FASTKD2: variants seen among roughly 807,000 people sequenced by gnomAD.
The protein encoded by FASTKD2 is FAST kinase domain-containing protein 2, mitochondrial.
Under a neutral mutation model 63.6 loss-of-function variants are expected in FASTKD2, and 51 were observed. The ratio of observed to expected loss-of-function variants is 0.80; its 90% confidence interval spans 0.64 to 1.01. The LOEUF (loss-of-function observed/expected upper bound fraction) is 1.01. FASTKD2 is among the 50% of genes least tolerant of loss of function. FASTKD2 has a pLI of 0.00. For missense variants in FASTKD2, 786 were observed against 831.1 expected (o/e 0.95, Z 0.67); for synonymous variants, 284 against 293.4 (o/e 0.97, Z 0.33).
At chr2:206,788,219 A>C in intron 9 of FASTKD2, 64 bp downstream of exon 9, 2 of 1,160,840 alleles carry the variant, frequency 1.7e-6, no homozygotes, top group African/African-American at 1.5e-5. Flanking sequence ...TTCTGACCAA[A>C]AAAATAGGTA....
intron 3 of FASTKD2, 80 bp from the exon 4 acceptor site, chr2:206,771,102 G>T: frequency 6.0e-6 from 5 of 833,652 alleles, no homozygotes; most frequent in Non-Finnish European, 1.0e-5. Flanking sequence ...GTAAGAAGGG[G>T]CTGGACCAAA....
At position 206,791,710 on chromosome 2, in the gene FASTKD2, G is replaced by A. The variant is rs1690290911; in HGVS notation, c.2041G>A (p.Glu681Lys). ...CAATAACTGGGAGATGGACAAACTA[G>A]AGATGGAAGATGCAGTCACATTTTT... ...LVNNWEMDKL[E>K]MEDAVTFLKT... Residue 681 changes from glutamate to lysine, a missense_variant, in exon 12 of 12, where the codon GAG becomes AAG. Transcript: ENST00000402774. 1 of 1,612,458 alleles carries A rather than the reference G, an allele frequency of 6.2e-7. No individual in the cohort carries two copies. The highest frequency in any genetic ancestry group is 8.5e-7 in the Non-Finnish European group (1 of 1,178,716).
chr2:206,790,416 C>T (rs1690252205), intron 10 of FASTKD2, 156 bp from the exon 11 acceptor site: 14 of 651,300 alleles, frequency 2.1e-5, no homozygotes, highest in South Asian at 2.1e-4. Flanking sequence ...GGAATATCTG[C>T]AGAGGCCAAG....
intron 7 of FASTKD2, among the ~76,000 whole-genome samples, chr2:206,785,726 T>G (rs192953543): frequency 3.7e-4 from 56 of 152,302 alleles, no homozygotes; most frequent in African/African-American, 1.3e-3. Context: ...ATCTGTTATA[T>G]TCCTCCCATT....
chr2:206,775,498 TG>T (rs992680607), intron 7 of FASTKD2, among the ~76,000 whole-genome samples: 32 of 151,922 alleles, frequency 2.1e-4, no homozygotes, highest in African/African-American at 7.7e-4. Flanking sequence ...TTGTTGAATT[TG>T]GTTTGCTAGT....
chr2:206,768,672 C>T (rs992374809), intron 2 of FASTKD2, among the ~76,000 whole-genome samples: 10 of 152,250 alleles, frequency 6.6e-5, no homozygotes, highest in African/African-American at 1.9e-4. Context: ...TGCACTCCAG[C>T]CTGGGTGACA....
chr2:206,769,862 A>G (rs1689617396), intron 2 of FASTKD2, among the ~76,000 whole-genome samples: 1 of 152,260 alleles, frequency 6.6e-6, no homozygotes, highest in Admixed American at 6.5e-5. Flanking sequence ...ATAATGGTGA[A>G]GGTAAAAAAG....
In FASTKD2 at chr2:206,792,810, T is replaced by C. The variant is rs1690324116; in HGVS notation, c.*1008T>C. Among the ~76,000 whole-genome samples, 1 of 152,218 alleles carries C rather than the reference T, an allele frequency of 6.6e-6. No individual in the cohort carries two copies. Among genetic ancestry groups the C allele is most frequent in the Admixed American group, 6.5e-5 (1 of 15,288 alleles). ...GAACCCTTTGAGGTGTAGCTGCTAT[T>C]ATGATTCTCTCTGTGTCTTCACTTC... On this transcript the variant is annotated 3_prime_UTR_variant, in exon 12 of 12. Transcript: ENST00000402774.
chr2:206,789,984 T>C (rs2105988806), intron 10 of FASTKD2: 1 of 153,288 alleles, frequency 6.5e-6, no homozygotes, highest in South Asian at 2.0e-4. Flanking sequence ...TCTTTTTTTT[T>C]TCTTTTTTTC....
At position 206,767,438 on chromosome 2, in the gene FASTKD2, A is replaced by G; in HGVS notation, c.745A>G (p.Ile249Val). 1.9e-6 allele frequency: 3 copies of G among 1,612,442 alleles called. No individual in the cohort carries two copies. The highest frequency in any genetic ancestry group is 1.1e-5 in the South Asian group (1 of 91,076). ...IVKLGIPQNT[I>V]LVQTLLRVTQ... ...GAAGCTTGGAATCCCTCAGAACACT[A>G]TTTTGGTGCAGACTTTGCTGAGGGT... The change falls in exon 2 of 12, where the codon ATT becomes GTT. Residue 249 changes from isoleucine (I) to valine (V), a missense_variant. Physicochemically the swap from Ile to Val is conservative, Grantham distance 29. Coordinates refer to ENST00000402774, the MANE Select transcript of FASTKD2 (RefSeq NM_001136193.2).
chr2:206,791,609 T>C (rs2105989907), intron 11 of FASTKD2, 74 bp from the exon 12 acceptor site: 2 of 1,389,766 alleles, frequency 1.4e-6, no homozygotes, highest in East Asian at 2.3e-5. Flanking sequence ...TACTTTACTA[T>C]GTTTGGATCT....
chr2:206,768,599 C>G (rs1465040360), intron 2 of FASTKD2, among the ~76,000 whole-genome samples: 3 of 152,076 alleles, frequency 2.0e-5, no homozygotes, highest in Non-Finnish European at 4.4e-5. Context: ...ACTTGGGAGG[C>G]TGAGGTGGGA....
chr2:206,788,766 G>T, intron 9 of FASTKD2, 53 bp from the exon 10 acceptor site: 115 of 762,186 alleles, frequency 1.5e-4, no homozygotes, highest in Non-Finnish European at 2.3e-4. Context: ...AAAAGAAAAA[G>T]AAAGTCACTT....
chr2:206,791,673 C>G lies in FASTKD2; in HGVS notation c.2014-10C>G. The G allele has an allele frequency of 6.2e-7, 1 of 1,612,102 alleles. No homozygotes were observed. The highest frequency in any genetic ancestry group is 8.5e-7 in the Non-Finnish European group (1 of 1,178,520). On this transcript the variant is annotated splice_polypyrimidine_tract_variant and intron_variant, in intron 11 of 11. Coordinates refer to ENST00000402774, the MANE Select transcript of FASTKD2 (RefSeq NM_001136193.2). ...TCACAAACTGATTATTTTCCTCTTTCTTTGGTAAGGTCAATAACTGGGAGA... is the reference window on the plus strand; with the variant it reads ...TCACAAACTGATTATTTTCCTCTTTGTTTGGTAAGGTCAATAACTGGGAGA...
intron 7 of FASTKD2, 32 bp from the exon 8 acceptor site, chr2:206,786,701 T>C (rs747587462): frequency 1.9e-6 from 3 of 1,603,708 alleles, no homozygotes; most frequent in Non-Finnish European, 2.6e-6. Context: ...CTTCTGTATA[T>C]GTTGGGAAAC....
chr2:206,772,002 A>T lies in FASTKD2; in HGVS notation c.1099A>T (p.Ser367Cys). ...HRSLILLDEC[S>C]KVVLDNIHGC... ...ATCTCTTATACTCCTGGATGAATGC[A>T]GTAAGGTGGTCCTAGGTAAGAGGAA... The change falls in exon 5 of 12, where the codon AGT becomes TGT. Residue 367 changes from serine (S) to cysteine (C), a missense_variant. Ser to Cys is a moderately radical substitution (Grantham distance 112). Transcript: ENST00000402774. The T allele has an allele frequency of 6.2e-7, 1 of 1,613,820 alleles. No individual in the cohort carries two copies. The highest frequency in any genetic ancestry group is 8.5e-7 in the Non-Finnish European group (1 of 1,179,716).
chr2:206,776,087 G>T (rs1689817082), intron 7 of FASTKD2, among the ~76,000 whole-genome samples: 1 of 150,824 alleles, frequency 6.6e-6, no homozygotes, highest in South Asian at 2.1e-4. Flanking sequence ...TATTATTTTT[G>T]CTATTCAGTT....
In FASTKD2 at chr2:206,765,650, C is replaced by CT. The variant is rs1456343421; in HGVS notation, c.-147dup. On this transcript the variant is annotated 5_prime_UTR_variant, in exon 1 of 12. An upstream open reading frame in the 5' UTR loses its in-frame stop. Coordinates refer to ENST00000402774, the MANE Select transcript of FASTKD2 (RefSeq NM_001136193.2). ...CTGTACGTAGTCACGGTCTTGTGCT[C>CT]TAAGGTGAGTGGAGGACGAGCTTGG... 2.8e-5 allele frequency: 15 copies of CT among 541,034 alleles called. No individual in the cohort carries two copies. The highest frequency in any genetic ancestry group is 3.1e-5 in the Non-Finnish European group (13 of 415,952). 33.5% of individuals were successfully genotyped at this position (541,034 alleles called of 1,614,324 possible).
In FASTKD2 at chr2:206,767,200, G is replaced by A; in HGVS notation, c.507G>A (p.Val169=). The change falls in exon 2 of 12, where the codon GTG becomes GTA. Residue 169 remains valine, a synonymous_variant. Transcript: ENST00000402774. The part of the protein sequence containing the change: ...LSEECNSLSD[V]LDAFSKAPTF... ...AGGAATGTAATTCCCTGAGTGATGT[G>A]TTAGATGCATTTTCAAAAGCGCCCA... 1 of 1,614,202 alleles carries A rather than the reference G, an allele frequency of 6.2e-7. No individual in the cohort carries two copies. The highest frequency in any genetic ancestry group is 2.2e-5 in the East Asian group (1 of 44,878).
Sources: allele counts gnomAD v4.1 joint callset (sites outside exome capture counted in the v4.1 genomes callset), GRCh38; gene constraint gnomAD v4.1.1; transcripts MANE v1.5; gene names NCBI Gene and HGNC (gene_info 2026-07-23, HGNC 2026-07-21).